The following PKNOX1 variants were observed in gnomAD, a reference collection of about 807,000 sequenced individuals.
The protein encoded by PKNOX1 is PBX/knotted 1 homeobox 1.
PKNOX1 carries 15 observed loss-of-function variants against 51.9 expected under a neutral mutation model. The observed-to-expected ratio is 0.29, with a 90% CI of 0.19 to 0.45. The LOEUF (loss-of-function observed/expected upper bound fraction) is 0.45, where lower values mean the gene tolerates loss of function less well. Ranked by LOEUF, PKNOX1 falls within the 20% of genes least tolerant of loss-of-function variation. The probability of loss-of-function intolerance (pLI) is 1.00; values close to 1 mark genes in which losing one functional copy is unlikely to be tolerated. For missense variants in PKNOX1, 462 were observed against 547.5 expected (o/e 0.84, Z 1.56); for synonymous variants, 219 against 211.1 (o/e 1.04, Z -0.32).
At chr21:43,004,094 A>T (rs1485376876) in intron 1 of PKNOX1, 1 of 263,016 alleles carries the variant, frequency 3.8e-6, no homozygotes, top group Non-Finnish European at 7.5e-6. Flanking sequence ...AAAATTATCC[A>T]GGCATGGTGG....
chr21:42,986,336 A>G lies in PKNOX1; in HGVS notation c.-57+11672A>G, dbSNP rs139011840. Among the ~76,000 whole-genome samples, 1,163 of 152,028 alleles carry G rather than the reference A, an allele frequency of 7.6e-3. 7 individuals are homozygous for G. Among genetic ancestry groups the G allele is most frequent in the Middle Eastern group, 0.01 (3 of 294 alleles). On this transcript the variant is annotated intron_variant, in intron 1 of 10. Coordinates refer to ENST00000291547, the MANE Select transcript of PKNOX1 (RefSeq NM_004571.5). ...GCCAAGGTGGTGAAACTCCATCTCT[A>G]CTAGAAATAGAAAAATTAGCCAGGC...
In PKNOX1 at chr21:43,021,891, G is replaced by A. The variant is rs900355347; in HGVS notation, c.849+460G>A. On this transcript the variant is annotated intron_variant, in intron 8 of 10. Coordinates refer to ENST00000291547, the MANE Select transcript of PKNOX1 (RefSeq NM_004571.5). This position sits in a 1 kb window ranked among gnomAD's most constrained non-coding sequence, Gnocchi z 4.6. Reference sequence around the variant, plus strand: ...GCGAGTTTGTCCCACAGGGCGCGCCGTTTTGCCCAGCACGTGTGCACCCGG... The same window carrying A: ...GCGAGTTTGTCCCACAGGGCGCGCCATTTTGCCCAGCACGTGTGCACCCGG... Among the ~76,000 whole-genome samples, 8 of 152,222 alleles carry A rather than the reference G, an allele frequency of 5.3e-5. No homozygotes were observed. Among genetic ancestry groups the A allele is most frequent in the African/African-American group, 1.4e-4 (6 of 41,464 alleles).
At chr21:42,976,255 A>G (rs1244753794) in intron 1 of PKNOX1, among the ~76,000 whole-genome samples, 2 of 151,946 alleles carry the variant, frequency 1.3e-5, no homozygotes, top group African/African-American at 2.4e-5. Flanking sequence ...ATCTATAAAA[A>G]TGTGCTTACG....
At chr21:43,005,406 T>C (rs1219410685) in intron 2 of PKNOX1, among the ~76,000 whole-genome samples, 2 of 141,726 alleles carry the variant, frequency 1.4e-5, no homozygotes, top group Non-Finnish European at 3.0e-5. Context: ...CAGAGATTTT[T>C]GTTGTTGGTG....
intron 1 of PKNOX1, among the ~76,000 whole-genome samples, chr21:42,975,555 C>T (rs2058991103): frequency 6.6e-6 from 1 of 152,218 alleles, no homozygotes; most frequent in African/African-American, 2.4e-5. Context: ...TGAAGAAACG[C>T]GGAGTCTGCT....
chr21:43,020,705 C>G (rs1372043314), intron 7 of PKNOX1, among the ~76,000 whole-genome samples: 1 of 152,178 alleles, frequency 6.6e-6, no homozygotes, highest in Non-Finnish European at 1.5e-5. Context: ...TTTCTGGTGT[C>G]CCTGTTCATT....
chr21:43,023,913 C>T (rs1411938051), intron 8 of PKNOX1, among the ~76,000 whole-genome samples: 1 of 151,442 alleles, frequency 6.6e-6, no homozygotes, highest in Non-Finnish European at 1.5e-5. Context: ...CACACCTGGC[C>T]AGATTTTTTT....
intron 4 of PKNOX1, among the ~76,000 whole-genome samples, chr21:43,012,809 C>G (rs927662682): frequency 3.3e-5 from 5 of 152,282 alleles, no homozygotes; most frequent in Non-Finnish European, 7.4e-5. Flanking sequence ...TCACAGCCCA[C>G]ACACCTAGCA....
intron 1 of PKNOX1, among the ~76,000 whole-genome samples, chr21:42,981,116 G>GC (rs1248321716): frequency 6.6e-6 from 1 of 152,248 alleles, no homozygotes; most frequent in Non-Finnish European, 1.5e-5. Context: ...GCATCCGTGT[G>GC]CAGCACTGAG....
At chr21:43,027,742 AC>A (rs202188817) in intron 9 of PKNOX1, among the ~76,000 whole-genome samples, 2 of 140,570 alleles carry the variant, frequency 1.4e-5, no homozygotes, top group African/African-American at 2.5e-5. Flanking sequence ...ACATGGTGTA[AC>A]CCCGTTTACT....
intron 5 of PKNOX1, among the ~76,000 whole-genome samples, chr21:43,013,795 GTGTT>G (rs1015106514): frequency 1.3e-5 from 2 of 152,128 alleles, no homozygotes. Flanking sequence ...GAATCGTACA[GTGTT>G]TGTCCTTCTG....
intron 4 of PKNOX1, among the ~76,000 whole-genome samples, chr21:43,012,605 A>G (rs74712724): frequency 0.092 from 14,046 of 152,304 alleles, 795 homozygotes; most frequent in Non-Finnish European, 0.12. Context: ...AACTTTTAGA[A>G]AAATCGCAAG....
intron 1 of PKNOX1, among the ~76,000 whole-genome samples, chr21:42,992,832 G>A: frequency 6.9e-6 from 1 of 144,282 alleles, no homozygotes; most frequent in African/African-American, 2.6e-5. Context: ...AGCAATGGGG[G>A]CCTTCCTCAC....
At chr21:42,998,326 C>T (rs234756) in intron 1 of PKNOX1, among the ~76,000 whole-genome samples, 32,035 of 152,072 alleles carry the variant, frequency 0.21, 3,726 homozygotes, top group Non-Finnish European at 0.25. Context: ...TACCTCCCAC[C>T]AGCTCCCTCC....
chr21:42,975,450 C>T (rs1174609224), intron 1 of PKNOX1, among the ~76,000 whole-genome samples: 1 of 152,168 alleles, frequency 6.6e-6, no homozygotes, highest in Non-Finnish European at 1.5e-5. Flanking sequence ...TCACACGGGT[C>T]GTGGTAATGG....
intron 1 of PKNOX1, among the ~76,000 whole-genome samples, chr21:42,988,700 G>C (rs922894801): frequency 6.6e-6 from 1 of 152,300 alleles, no homozygotes; most frequent in East Asian, 1.9e-4. Context: ...ATGCTTCACC[G>C]AGAGCAGTTG....
At chr21:43,015,989 C>A (rs1179401337) in intron 5 of PKNOX1, among the ~76,000 whole-genome samples, 1 of 152,070 alleles carries the variant, frequency 6.6e-6, no homozygotes, top group East Asian at 1.9e-4. Context: ...TTTCTAAGAT[C>A]TTAAGGTGGA....
At chr21:43,014,263 C>T (rs1282840683) in intron 5 of PKNOX1, among the ~76,000 whole-genome samples, 4 of 152,056 alleles carry the variant, frequency 2.6e-5, no homozygotes, top group East Asian at 1.9e-4. Flanking sequence ...CCTCGTGATC[C>T]GCCCGCCTTG....
chr21:43,009,876 C>T (rs577353087), intron 3 of PKNOX1, among the ~76,000 whole-genome samples, 177 bp from the exon 4 acceptor site: 5 of 152,238 alleles, frequency 3.3e-5, no homozygotes, highest in Admixed American at 6.5e-5. Flanking sequence ...AAGTTGACGG[C>T]GGCAATGCTG....
Sources: gnomAD v4.1 joint callset for allele counts (sites outside exome capture counted in the v4.1 genomes callset) on GRCh38, gnomAD v4.1.1 for gene constraint, Gnocchi (gnomAD v3.1) non-coding constraint, MANE v1.5 for transcripts, NCBI Gene and HGNC (gene_info 2026-07-23, HGNC 2026-07-21) for gene names.